CEP41: variants seen among roughly 807,000 people sequenced by gnomAD.
CEP41 encodes centrosomal protein 41.
Under a neutral mutation model 44.3 loss-of-function variants are expected in CEP41, and 32 were observed. That is an observed-to-expected ratio of 0.72 (90% CI 0.54 to 0.97). The LOEUF is 0.97. CEP41 is among the 50% of genes least tolerant of loss of function. The probability of loss-of-function intolerance (pLI) is 0.00; values close to 1 mark genes in which losing one functional copy is unlikely to be tolerated. For synonymous variants in CEP41, 151 were observed against 168.5 expected (o/e 0.90, Z 0.80); for missense variants, 432 against 455.2 (o/e 0.95, Z 0.46).
Position 130,398,241 on chromosome 7 carries a change from G to T in CEP41, c.*650C>A, listed in dbSNP as rs1554415692. ...CTGGCTCCAGGAAATATCTAGTAAGGGGGAGCATTCAGTGAGTGTACAGCT... is the reference window on the plus strand; with the variant it reads ...CTGGCTCCAGGAAATATCTAGTAAGTGGGAGCATTCAGTGAGTGTACAGCT... On this transcript the variant is annotated 3_prime_UTR_variant, in exon 11 of 11. Transcript: ENST00000223208. The T allele has an allele frequency of 2.2e-6, 1 of 454,086 alleles. No individual in the cohort carries two copies. The highest frequency in any genetic ancestry group is 4.4e-6 in the Non-Finnish European group (1 of 226,778). 28.1% of individuals were successfully genotyped at this position (454,086 alleles called of 1,614,324 possible).
chr7:130,417,053 C>T, intron 2 of CEP41, 87 bp from the exon 3 acceptor site: 2 of 1,342,310 alleles, frequency 1.5e-6, no homozygotes, highest in Non-Finnish European at 2.1e-6. Context: ...AAAAGTATCC[C>T]CTAAGCTTTC....
chr7:130,425,283 C>T (rs1009018206), intron 2 of CEP41, among the ~76,000 whole-genome samples: 9 of 152,028 alleles, frequency 5.9e-5, no homozygotes, highest in Non-Finnish European at 1.3e-4. Flanking sequence ...CATGGTGGTG[C>T]GCACCCGTAA....
chr7:130,425,316 G>A (rs1027887661), intron 2 of CEP41, among the ~76,000 whole-genome samples: 6 of 152,178 alleles, frequency 3.9e-5, no homozygotes, highest in African/African-American at 1.4e-4. Flanking sequence ...GCAAGGCTAA[G>A]GCAGGAGAAT....
intron 1 of CEP41, 50 bp downstream of exon 1, chr7:130,440,884 T>C (rs1183701694): frequency 1.2e-6 from 2 of 1,600,970 alleles, no homozygotes; most frequent in Non-Finnish European, 8.5e-7. Flanking sequence ...CATGAGCCTT[T>C]TCCGGTGCGC....
At chr7:130,415,678 G>A (rs36027020) in intron 3 of CEP41, among the ~76,000 whole-genome samples, 2 of 152,034 alleles carry the variant, frequency 1.3e-5, no homozygotes, top group African/African-American at 2.4e-5. Context: ...GAGGACATGT[G>A]AACTCACACT....
Position 130,396,401 on chromosome 7 carries a change from A to AT in CEP41, c.*2489dup, listed in dbSNP as rs781845370. The stretch of plus-strand genomic sequence containing the variant: ...ATTGGACTGATTTCCTGATTCATTT[A>AT]TTTTTTTTAAAAAATGCTTTCCTAG... On this transcript the variant is annotated 3_prime_UTR_variant, in exon 11 of 11. Transcript: ENST00000223208. The AT allele has an allele frequency of 2.0e-5, 9 of 454,166 alleles. No homozygotes were observed. The highest frequency in any genetic ancestry group is 4.7e-5 in the Admixed American group (2 of 42,532). The allele number at this position is 454,166 out of a possible 1,614,324, so 28.1% of individuals were successfully genotyped here. A position where few individuals can be genotyped will look rare whatever the true frequency, so the allele number is the denominator to read the frequency against.
chr7:130,418,096 CT>C (rs1797387726), intron 2 of CEP41, among the ~76,000 whole-genome samples: 1 of 152,090 alleles, frequency 6.6e-6, no homozygotes, highest in East Asian at 1.9e-4. Context: ...GTTTTCTTTT[CT>C]TTTCTTTTCT....
chr7:130,404,756 T>C, intron 5 of CEP41, 48 bp from the exon 6 acceptor site: 1 of 1,373,074 alleles, frequency 7.3e-7, no homozygotes, highest in African/African-American at 1.4e-5. Flanking sequence ...TCAGGATTTG[T>C]ATTTACTTAT....
chr7:130,419,782 C>T (rs1450112817), intron 2 of CEP41: 2 of 985,212 alleles, frequency 2.0e-6, no homozygotes, highest in Non-Finnish European at 2.4e-6. Flanking sequence ...GTCTTGCATT[C>T]TCTAACGTAT....
chr7:130,439,895 T>G (rs368567065), intron 1 of CEP41, among the ~76,000 whole-genome samples: 1 of 152,158 alleles, frequency 6.6e-6, no homozygotes, highest in East Asian at 1.9e-4. Context: ...ACCCCTTCCA[T>G]CTCCACAACC....
chr7:130,406,615 A>T (rs1234727089), intron 5 of CEP41, among the ~76,000 whole-genome samples: 1 of 152,088 alleles, frequency 6.6e-6, no homozygotes. Flanking sequence ...TAAAAATAAC[A>T]AGTCTAATTA....
At position 130,398,372 on chromosome 7, in the gene CEP41, T is replaced by TG. The variant is rs1554415775; in HGVS notation, c.*518dup. 2.2e-6 allele frequency: 1 copy of TG among 454,010 alleles called. No homozygotes were observed. The highest frequency in any genetic ancestry group is 1.6e-5 in the South Asian group (1 of 64,460). The allele number at this position is 454,010 out of a possible 1,614,324, so 28.1% of individuals were successfully genotyped here. On this transcript the variant is annotated 3_prime_UTR_variant, in exon 11 of 11. Coordinates refer to ENST00000223208, the MANE Select transcript of CEP41 (RefSeq NM_018718.3). ...AGAGCTCCTTGCTGAGTGAGCCTGC[T>TG]GGGGTGGGGTCTGCAGGCGGCTGGA...
rs1450556355 is a variant in CEP41, at chr7:130,411,969, T to A, written c.207+210A>T. 5.7e-6 allele frequency: 3 copies of A among 524,068 alleles called. No individual in the cohort carries two copies. The African/African-American group carries it at 5.8e-5, about 10-fold the overall frequency. The allele number at this position is 524,068 out of a possible 1,614,324, so 32.5% of individuals were successfully genotyped here. On this transcript the variant is annotated intron_variant, in intron 4 of 10. Coordinates refer to ENST00000223208, the MANE Select transcript of CEP41 (RefSeq NM_018718.3). ...AAAAGTAGGGCAAACATTTACTTTA[T>A]AGAATTCTTATCAAAGAAGAGAGAA...
intron 1 of CEP41, among the ~76,000 whole-genome samples, chr7:130,439,227 A>C (rs547087154): frequency 6.6e-6 from 1 of 152,324 alleles, no homozygotes; most frequent in African/African-American, 2.4e-5. Flanking sequence ...TCTTAATAAT[A>C]ATCTTTCCTC....
chr7:130,422,563 T>C (rs774007508), intron 2 of CEP41, among the ~76,000 whole-genome samples: 1 of 152,092 alleles, frequency 6.6e-6, no homozygotes, highest in Non-Finnish European at 1.5e-5. Context: ...GGTAGAAAAC[T>C]TTTTCTGAAT....
rs886061996 is a variant in CEP41, at chr7:130,397,480, C to A, written c.*1411G>T. ...ACGTTTATTTCTCATACAAACACAG[C>A]CCCCATGCTAGAAATACTGTGGTGC... is the stretch of plus-strand genomic sequence containing the variant. On this transcript the variant is annotated 3_prime_UTR_variant, in exon 11 of 11. Transcript: ENST00000223208. 24 of 429,790 alleles carry A rather than the reference C, an allele frequency of 5.6e-5. No individual in the cohort carries two copies. In the East Asian group the frequency reaches 1.6e-3, roughly 29 times the overall value. 26.6% of individuals were successfully genotyped at this position (429,790 alleles called of 1,614,324 possible).
chr7:130,416,126 CAA>C (rs1797328254), intron 3 of CEP41, among the ~76,000 whole-genome samples: 4 of 152,138 alleles, frequency 2.6e-5, no homozygotes, highest in Admixed American at 2.6e-4. Context: ...TTTTATCTTC[CAA>C]GAAGATGTAC....
intron 2 of CEP41, among the ~76,000 whole-genome samples, chr7:130,417,660 C>T (rs1209778271): frequency 3.9e-5 from 6 of 152,204 alleles, no homozygotes; most frequent in Admixed American, 3.3e-4. Context: ...AAAACTCAGC[C>T]AGGAACCTTC....
chr7:130,429,714 T>C (rs1268156096), intron 1 of CEP41, among the ~76,000 whole-genome samples: 1 of 152,206 alleles, frequency 6.6e-6, no homozygotes, highest in Non-Finnish European at 1.5e-5. Context: ...TTGGGCAAAA[T>C]GTATGTCCTC....
Sources: allele counts gnomAD v4.1 joint callset (sites outside exome capture counted in the v4.1 genomes callset), GRCh38; gene constraint gnomAD v4.1.1; transcripts MANE v1.5; gene names NCBI Gene and HGNC (gene_info 2026-07-23, HGNC 2026-07-21).